SHTN1: variants seen among roughly 807,000 people sequenced by gnomAD.
SHTN1 encodes shootin-1.
SHTN1 carries 42 observed loss-of-function variants against 83.1 expected under a neutral mutation model. That is an observed-to-expected ratio of 0.51 (90% CI 0.39 to 0.65). The LOEUF is 0.65. SHTN1 is among the 30% of genes least tolerant of loss of function. SHTN1 has a pLI of 0.00. For missense variants in SHTN1, 622 were observed against 737.8 expected, an observed-to-expected ratio of 0.84 and a Z score of 1.82; for synonymous variants, 224 against 247.7, an observed-to-expected ratio of 0.90 and a Z score of 0.90.
chr10:117,099,499 G>A (rs1169426804), intron 1 of SHTN1, among the ~76,000 whole-genome samples: 2 of 152,136 alleles, frequency 1.3e-5, no homozygotes, highest in African/African-American at 4.8e-5. Flanking sequence ...GGATGTTAAA[G>A]CCAGAACTTA....
intron 2 of SHTN1, among the ~76,000 whole-genome samples, chr10:116,969,647 C>T (rs1850533525): frequency 6.6e-6 from 1 of 152,142 alleles, no homozygotes; most frequent in Non-Finnish European, 1.5e-5. Flanking sequence ...ACTGAAAAGA[C>T]TTTGGGAGGC....
chr10:117,100,837 G>A (rs1386275869), intron 1 of SHTN1, among the ~76,000 whole-genome samples: 1 of 152,208 alleles, frequency 6.6e-6, no homozygotes, highest in African/African-American at 2.4e-5. Context: ...AGCAGAAATA[G>A]TTTATGCAAA....
At chr10:117,009,943 A>C (rs1477480355), upstream of SHTN1, among the ~76,000 whole-genome samples, 3 of 152,064 alleles carry the variant, frequency 2.0e-5, no homozygotes, top group Non-Finnish European at 2.9e-5. Context: ...AATACCGTGA[A>C]GACAGTGCTC....
intron 9 of SHTN1, among the ~76,000 whole-genome samples, chr10:116,932,401 G>A (rs1243492004): frequency 1.3e-5 from 2 of 152,128 alleles, no homozygotes; most frequent in East Asian, 1.9e-4. Flanking sequence ...CAGGTTGGCC[G>A]CTCTTTATGA....
At chr10:117,061,757 C>T (rs2133595971) in intron 1 of SHTN1, among the ~76,000 whole-genome samples, 1 of 152,324 alleles carries the variant, frequency 6.6e-6, no homozygotes, top group Admixed American at 6.5e-5. Context: ...AGACATGAGC[C>T]ACCACACCTC....
chr10:117,040,797 T>A (rs529826520), intron 2 of SHTN1, among the ~76,000 whole-genome samples: 28 of 151,814 alleles, frequency 1.8e-4, no homozygotes, highest in African/African-American at 6.5e-4. Flanking sequence ...TTTAAAAAAA[T>A]TTTTTTTTGG....
chr10:117,123,781 T>C (rs1409418095), intron 1 of SHTN1, among the ~76,000 whole-genome samples: 7 of 151,546 alleles, frequency 4.6e-5, no homozygotes, highest in African/African-American at 1.7e-4. Flanking sequence ...TAGTGGTGCA[T>C]GTCTGTGATC....
At chr10:117,065,735 A>T (rs1852970941) in intron 1 of SHTN1, among the ~76,000 whole-genome samples, 2 of 6,736 alleles carry the variant, frequency 3.0e-4, no homozygotes, top group African/African-American at 5.4e-4. Context: ...GATGAAAGAA[A>T]GAAAGAAAGA....
chr10:117,026,457 T>G (rs1003699900), intron 2 of SHTN1, among the ~76,000 whole-genome samples: 2 of 151,718 alleles, frequency 1.3e-5, no homozygotes, highest in Non-Finnish European at 2.9e-5. Context: ...TGTTTCACTC[T>G]TGTTGCCCAG....
In SHTN1 at chr10:116,940,447, C is replaced by T. The variant is rs556413727; in HGVS notation, c.858+19G>A. The T allele has an allele frequency of 1.7e-5, 27 of 1,612,118 alleles. No homozygotes were observed. In the South Asian group the frequency reaches 2.9e-4, roughly 17 times the overall value. ...TGTATGTGTGTGTGTACCTAAGATT[C>T]CAGAAGAAAATGGGTTACCTTTTGT... On this transcript the variant is annotated intron_variant, in intron 9 of 16. Transcript: ENST00000355371.
At chr10:116,993,014 TTTC>T (rs1391304964) in intron 1 of SHTN1, among the ~76,000 whole-genome samples, 26 of 55,244 alleles carry the variant, frequency 4.7e-4, no homozygotes, top group East Asian at 1.4e-3. Context: ...CTTTCTTTTT[TTTC>T]TTTTTTTTTT....
At chr10:116,960,072 A>T in intron 4 of SHTN1, 64 bp downstream of exon 4, 2 of 943,802 alleles carry the variant, frequency 2.1e-6, no homozygotes, top group Non-Finnish European at 3.4e-6. Flanking sequence ...GATAGAAGCC[A>T]CTGCTTAGAA....
intron 8 of SHTN1, 74 bp from the exon 9 acceptor site, chr10:116,940,686 GA>G: frequency 5.7e-6 from 7 of 1,219,256 alleles, no homozygotes; most frequent in Non-Finnish European, 7.8e-6. Flanking sequence ...TTCAGCAAAA[GA>G]AAAGTACATG....
At chr10:116,989,280 A>T (rs2133506314) in intron 1 of SHTN1, among the ~76,000 whole-genome samples, 1 of 152,352 alleles carries the variant, frequency 6.6e-6, no homozygotes, top group East Asian at 1.9e-4. Context: ...TATGAACTAA[A>T]GTCCATATTT....
intron 1 of SHTN1, among the ~76,000 whole-genome samples, chr10:117,058,340 C>T (rs1037829117): frequency 2.0e-5 from 3 of 152,082 alleles, no homozygotes; most frequent in African/African-American, 7.2e-5. Context: ...ATAACCCAAA[C>T]AACCTGATTC....
chr10:116,889,838 T>C (rs576115763), intron 16 of SHTN1, among the ~76,000 whole-genome samples: 13 of 152,324 alleles, frequency 8.5e-5, no homozygotes, highest in South Asian at 2.1e-4. Flanking sequence ...AGCTATCCCT[T>C]AGTTTTAATT....
intron 1 of SHTN1, among the ~76,000 whole-genome samples, chr10:117,004,050 G>A (rs539368815): frequency 4.6e-5 from 7 of 152,118 alleles, no homozygotes; most frequent in Admixed American, 1.3e-4. Context: ...ACCACGCCCG[G>A]CTAATTTTGT....
intron 16 of SHTN1, among the ~76,000 whole-genome samples, chr10:116,896,802 T>G (rs1429197403): frequency 8.1e-6 from 1 of 122,868 alleles, no homozygotes; most frequent in African/African-American, 3.9e-5. Flanking sequence ...GATCAGGTAC[T>G]TTTTTTTTTT....
chr10:117,020,754 GC>G (rs1475378545), intron 2 of SHTN1, among the ~76,000 whole-genome samples: 2 of 151,974 alleles, frequency 1.3e-5, no homozygotes, highest in Non-Finnish European at 2.9e-5. Context: ...CCTGAGGGAA[GC>G]AAAAGTTTCT....
Sources: gnomAD v4.1 joint callset for allele counts (sites outside exome capture counted in the v4.1 genomes callset) on GRCh38, gnomAD v4.1.1 for gene constraint, MANE v1.5 for transcripts, NCBI Gene and HGNC (gene_info 2026-07-23, HGNC 2026-07-21) for gene names.